The following VPS13B variants were observed in gnomAD, a reference collection of about 807,000 sequenced individuals.
VPS13B encodes intermembrane lipid transfer protein VPS13B.
Under a neutral mutation model 426.4 loss-of-function variants are expected in VPS13B, and 285 were observed. The observed-to-expected ratio is 0.67, with a 90% confidence interval of 0.61 to 0.74. VPS13B has a LOEUF of 0.74. Among genes scored for constraint, VPS13B ranks in the 30% least tolerant of loss-of-function variants. The pLI is 0.00. For missense variants in VPS13B, 4,537 were observed against 4,782.6 expected (o/e 0.95, Z 1.51); for synonymous variants, 1,676 against 1,676.4 (o/e 1.00, Z 0.01).
rs773189391 is a variant in VPS13B, at chr8:99,066,232, C to G, written c.291+27666C>G. 3.9e-5 allele frequency among the ~76,000 whole-genome samples: 6 copies of G among 152,206 alleles called. No individual in the cohort carries two copies. In the East Asian group the frequency reaches 1.2e-3, roughly 29 times the overall value. On this transcript the variant is annotated intron_variant, in intron 3 of 61. Coordinates refer to ENST00000357162, the MANE Select transcript of VPS13B (RefSeq NM_152564.5). ...CAAAAGAACAAAGCTGGAGGTATCA[C>G]GCTACCTGACTTCCAACTATCCTAC...
rs573639662 is a variant in VPS13B, at chr8:99,427,885, G to A, written c.3083-3652G>A. ...GGTATCAGGCTACCTGACTTCAAAC[G>A]GTACTACAAGGCTACAGTAACCAAA... On this transcript the variant is annotated intron_variant, in intron 21 of 61. Coordinates refer to ENST00000357162, the MANE Select transcript of VPS13B (RefSeq NM_152564.5). Among the ~76,000 whole-genome samples the A allele has an allele frequency of 1.6e-4, 25 of 152,054 alleles. 2 individuals carry two copies. Among genetic ancestry groups the A allele is most frequent in the African/African-American group, 5.8e-4 (24 of 41,498 alleles).
intron 33 of VPS13B, among the ~76,000 whole-genome samples, chr8:99,634,383 A>G (rs918554111): frequency 2.0e-5 from 3 of 152,022 alleles, no homozygotes; most frequent in African/African-American, 2.4e-5. Flanking sequence ...AACTATCTGC[A>G]TGCTGCTTTT....
chr8:99,200,772 A>T (rs955627950), intron 17 of VPS13B, among the ~76,000 whole-genome samples: 3 of 151,898 alleles, frequency 2.0e-5, no homozygotes, highest in African/African-American at 4.8e-5. Flanking sequence ...AGATTTCTTT[A>T]TATATTTTAG....
intron 19 of VPS13B, among the ~76,000 whole-genome samples, chr8:99,335,961 T>C (rs1430285548): frequency 6.6e-6 from 1 of 152,194 alleles, no homozygotes; most frequent in Non-Finnish European, 1.5e-5. Context: ...ATAGATTCAA[T>C]GCCATCCCCA....
intron 54 of VPS13B, among the ~76,000 whole-genome samples, chr8:99,840,608 C>G (rs1210012488): frequency 6.6e-6 from 1 of 152,160 alleles, no homozygotes; most frequent in Non-Finnish European, 1.5e-5. Context: ...TCTCATCTAG[C>G]CCATGTTTCT....
chr8:99,854,291 G>A (rs777085294), intron 56 of VPS13B, 35 bp downstream of exon 56: 4 of 1,603,142 alleles, frequency 2.5e-6, no homozygotes, highest in Non-Finnish European at 3.4e-6. Context: ...TGATGAGCTA[G>A]AGCCCGGGTA....
intron 33 of VPS13B, among the ~76,000 whole-genome samples, chr8:99,616,610 G>A (rs1474796477): frequency 6.6e-6 from 1 of 152,152 alleles, no homozygotes; most frequent in African/African-American, 2.4e-5. Flanking sequence ...GGCAGATCAC[G>A]AGGTCAGGAG....
At chr8:99,403,103 T>C (rs1199311405) in intron 21 of VPS13B, among the ~76,000 whole-genome samples, 1 of 152,246 alleles carries the variant, frequency 6.6e-6, no homozygotes, top group African/African-American at 2.4e-5. Context: ...ATGGATCTTT[T>C]CTTCGGAATG....
Position 99,823,994 on chromosome 8 carries a change from C to T in VPS13B, c.9330+16C>T, listed in dbSNP as rs773972142. ...TGGAAAGGAGGTAAGCAAATCATAACGATTCTTTTGTCTAAGTTTTGATAA... is the reference window on the plus strand; with the variant it reads ...TGGAAAGGAGGTAAGCAAATCATAATGATTCTTTTGTCTAAGTTTTGATAA... On this transcript the variant is annotated intron_variant, in intron 51 of 61. Transcript: ENST00000357162. 27 of 1,610,000 alleles carry T rather than the reference C, an allele frequency of 1.7e-5. No individual in the cohort carries two copies. Among genetic ancestry groups the T allele is most frequent in the South Asian group, 3.3e-5 (3 of 91,030 alleles).
intron 33 of VPS13B, among the ~76,000 whole-genome samples, chr8:99,600,612 A>G (rs1432223546): frequency 6.6e-6 from 1 of 152,156 alleles, no homozygotes; most frequent in Non-Finnish European, 1.5e-5. Context: ...CTCCTGTAGT[A>G]ATTCAGATAA....
intron 19 of VPS13B, among the ~76,000 whole-genome samples, chr8:99,326,989 T>G (rs1810311773): frequency 6.6e-6 from 1 of 152,164 alleles, no homozygotes; most frequent in Admixed American, 6.5e-5. Flanking sequence ...TAATACTGGG[T>G]TTTGGTTTCA....
intron 22 of VPS13B, among the ~76,000 whole-genome samples, chr8:99,435,327 T>C (rs1817315147): frequency 6.6e-6 from 1 of 152,208 alleles, no homozygotes; most frequent in African/African-American, 2.4e-5. Context: ...TTCCCTCTTA[T>C]CTAATGATTG....
chr8:99,134,415 G>A (rs969570910), intron 8 of VPS13B, among the ~76,000 whole-genome samples: 1 of 152,116 alleles, frequency 6.6e-6, no homozygotes. Context: ...AGTTTAAAAA[G>A]TATTTAAATT....
At chr8:99,609,733 T>C (rs1827761427) in intron 33 of VPS13B, among the ~76,000 whole-genome samples, 1 of 152,190 alleles carries the variant, frequency 6.6e-6, no homozygotes, top group Non-Finnish European at 1.5e-5. Context: ...AGATGAATAA[T>C]TTTTGCTGTT....
At chr8:99,756,407 G>C (rs1334477587) in intron 39 of VPS13B, among the ~76,000 whole-genome samples, 1 of 152,140 alleles carries the variant, frequency 6.6e-6, no homozygotes, top group Non-Finnish European at 1.5e-5. Flanking sequence ...GGAAGTCCCA[G>C]GAGAGGAGAG....
At position 99,408,807 on chromosome 8, in the gene VPS13B, T is replaced by G. The variant is rs144383749; in HGVS notation, c.3082+17103T>G. Among the ~76,000 whole-genome samples the G allele has an allele frequency of 6.2e-4, 94 of 152,220 alleles. 2 individuals are homozygous for G. Among genetic ancestry groups the G allele is most frequent in the African/African-American group, 1.9e-3 (81 of 41,544 alleles). ...CCTTGGACATGCCAGCATTTTGTGG[T>G]CTGGAGAATGAAGAATTACCAAGAA... is the stretch of plus-strand genomic sequence containing the variant. On this transcript the variant is annotated intron_variant, in intron 21 of 61. Transcript: ENST00000357162.
At chr8:99,678,323 G>A (rs1353984170) in intron 35 of VPS13B, among the ~76,000 whole-genome samples, 4 of 151,906 alleles carry the variant, frequency 2.6e-5, no homozygotes, top group Non-Finnish European at 5.9e-5. Context: ...CTCTGGTGTA[G>A]GCTTAATCCT....
At chr8:99,749,774 A>T (rs1810299923) in intron 39 of VPS13B, among the ~76,000 whole-genome samples, 1 of 152,016 alleles carries the variant, frequency 6.6e-6, no homozygotes, top group Non-Finnish European at 1.5e-5. Flanking sequence ...GCATTGCTGG[A>T]TCATATGATA....
At chr8:99,416,953 A>G (rs1392212460) in intron 21 of VPS13B, among the ~76,000 whole-genome samples, 1 of 152,184 alleles carries the variant, frequency 6.6e-6, no homozygotes, top group Non-Finnish European at 1.5e-5. Flanking sequence ...TTAAGTTTAT[A>G]TCTTATCTTC....
Sources: gnomAD v4.1 joint callset for allele counts (sites outside exome capture counted in the v4.1 genomes callset) on GRCh38, gnomAD v4.1.1 for gene constraint, MANE v1.5 for transcripts, NCBI Gene and HGNC (gene_info 2026-07-23, HGNC 2026-07-21) for gene names.